Variants in PRTFDC1 observed in about 807,000 individuals in gnomAD.
PRTFDC1 encodes the protein phosphoribosyltransferase domain-containing protein 1.
A neutral mutation model predicts 34.6 loss-of-function variants in PRTFDC1; 38 were observed. The observed-to-expected ratio is 1.10, with a 90% CI of 0.85 to 1.44. The LOEUF is 1.44. Among genes scored for constraint, PRTFDC1 ranks in the 40% most tolerant of loss-of-function variants. The pLI, the probability that PRTFDC1 is intolerant of heterozygous loss-of-function variation, is 0.00. For synonymous variants in PRTFDC1, 93 were observed against 98.1 expected (o/e 0.95, Z 0.31); for missense variants, 270 against 283.0 (o/e 0.95, Z 0.33).
At chr10:24,948,975 G>A (rs1000596073) in intron 1 of PRTFDC1, among the ~76,000 whole-genome samples, 4 of 152,110 alleles carry the variant, frequency 2.6e-5, no homozygotes, top group African/African-American at 4.8e-5. Context: ...CTACTTATGC[G>A]ACCTGGGTGA....
chr10:24,922,525 T>C (rs1313145961), intron 3 of PRTFDC1, among the ~76,000 whole-genome samples: 3 of 152,206 alleles, frequency 2.0e-5, no homozygotes, highest in Non-Finnish European at 2.9e-5. Context: ...TGAGATCTGA[T>C]GGTTTTATAA....
At chr10:24,861,881 C>G (rs970695950) in intron 4 of PRTFDC1, among the ~76,000 whole-genome samples, 2 of 151,926 alleles carry the variant, frequency 1.3e-5, no homozygotes, top group Admixed American at 1.3e-4. Context: ...TCAAGTGATC[C>G]TCCCTCCTCA....
chr10:24,944,643 C>T (rs544531996), intron 1 of PRTFDC1, among the ~76,000 whole-genome samples: 1 of 152,238 alleles, frequency 6.6e-6, no homozygotes, highest in African/African-American at 2.4e-5. Context: ...ATTAGCCAGG[C>T]AAGGTGGTGT....
intron 4 of PRTFDC1, among the ~76,000 whole-genome samples, chr10:24,868,597 C>T (rs866535667): frequency 2.6e-5 from 4 of 152,076 alleles, no homozygotes; most frequent in Non-Finnish European, 4.4e-5. Context: ...GTGTGCACCA[C>T]CATTTTAAAT....
intron 3 of PRTFDC1, among the ~76,000 whole-genome samples, chr10:24,914,830 C>T (rs1251079754): frequency 6.6e-6 from 1 of 152,152 alleles, no homozygotes. Context: ...TAGCTTCTAC[C>T]TCAGGCCTAG....
At chr10:24,880,832 TTTC>T (rs1447970428) in intron 3 of PRTFDC1, among the ~76,000 whole-genome samples, 2 of 138,110 alleles carry the variant, frequency 1.4e-5, no homozygotes, top group African/African-American at 3.0e-5. Context: ...TCTTTCTTTC[TTTC>T]TTTCTTTCTT....
intron 8 of PRTFDC1, 23 bp from the exon 9 acceptor site, chr10:24,849,914 C>T (rs190529535): frequency 8.1e-6 from 13 of 1,612,560 alleles, no homozygotes; most frequent in Middle Eastern, 1.7e-4. Context: ...AGGATTTAAA[C>T]GCATCAGTTT....
At chr10:24,936,321 C>G (rs1408697711) in intron 3 of PRTFDC1, among the ~76,000 whole-genome samples, 4 of 151,428 alleles carry the variant, frequency 2.6e-5, no homozygotes, top group Non-Finnish European at 5.9e-5. Flanking sequence ...TCATTGTCAT[C>G]CAGGCTGGAG....
Position 24,856,987 on chromosome 10 carries a change from G to T in PRTFDC1, c.432C>A (p.Val144=). 7.4e-6 allele frequency: 12 copies of T among 1,612,814 alleles called. No individual in the cohort carries two copies. Among genetic ancestry groups the T allele is most frequent in the Non-Finnish European group, 1.0e-5 (12 of 1,178,866 alleles). ...GKNVLIVEDV[V]GTGRTMKALL... ...GTGCTTTCATGGTCCTCCCAGTTCC[G>T]ACAACATCCTTTGCAAAAAGGACAG... Residue 144 remains valine, a synonymous_variant, in exon 6 of 9, where the codon GTC becomes GTA. Transcript: ENST00000320152.
At chr10:24,859,346 G>A (rs1415868885) in intron 4 of PRTFDC1, among the ~76,000 whole-genome samples, 1 of 152,060 alleles carries the variant, frequency 6.6e-6, no homozygotes, top group East Asian at 1.9e-4. Flanking sequence ...TGTAACCTCC[G>A]CTTCCCGGGT....
At chr10:24,876,040 T>A (rs1847957697) in intron 3 of PRTFDC1, among the ~76,000 whole-genome samples, 1 of 152,126 alleles carries the variant, frequency 6.6e-6, no homozygotes, top group East Asian at 1.9e-4. Context: ...CTTTTTAGTA[T>A]GTTTTAATAC....
At chr10:24,949,033 A>G (rs901535982) in intron 1 of PRTFDC1, among the ~76,000 whole-genome samples, 1 of 152,060 alleles carries the variant, frequency 6.6e-6, no homozygotes, top group Non-Finnish European at 1.5e-5. Flanking sequence ...TAAAATGGGG[A>G]GCACACTAGA....
At chr10:24,941,291 A>C (rs1262462496) in intron 2 of PRTFDC1, among the ~76,000 whole-genome samples, 2 of 151,896 alleles carry the variant, frequency 1.3e-5, no homozygotes, top group African/African-American at 4.8e-5. Flanking sequence ...CCTGGCTCAA[A>C]CAGTCCTCTT....
intron 3 of PRTFDC1, among the ~76,000 whole-genome samples, chr10:24,931,107 A>G (rs1333107350): frequency 1.3e-5 from 2 of 152,180 alleles, no homozygotes; most frequent in Non-Finnish European, 2.9e-5. Flanking sequence ...TTATGTATGG[A>G]AAATCCCCCA....
chr10:24,902,045 T>C (rs2132554697), intron 3 of PRTFDC1, among the ~76,000 whole-genome samples: 1 of 152,206 alleles, frequency 6.6e-6, no homozygotes, highest in African/African-American at 2.4e-5. Flanking sequence ...TGTGTCCTGG[T>C]GACGATCCCT....
chr10:24,924,021 G>C (rs970697084), intron 3 of PRTFDC1, among the ~76,000 whole-genome samples: 1 of 152,144 alleles, frequency 6.6e-6, no homozygotes, highest in African/African-American at 2.4e-5. Flanking sequence ...AGCTTCAATA[G>C]CTGATTCGAT....
At chr10:24,863,328 A>G (rs1194260228) in intron 4 of PRTFDC1, among the ~76,000 whole-genome samples, 3 of 152,240 alleles carry the variant, frequency 2.0e-5, no homozygotes, top group African/African-American at 4.8e-5. Context: ...GCCTGTTTAT[A>G]TAGGCACATC....
chr10:24,928,514 A>T (rs537359040), intron 3 of PRTFDC1, among the ~76,000 whole-genome samples: 71 of 152,030 alleles, frequency 4.7e-4, no homozygotes, highest in African/African-American at 1.7e-3. Context: ...CACAATCTCA[A>T]CTCACTGCAA....
intron 3 of PRTFDC1, among the ~76,000 whole-genome samples, chr10:24,933,945 G>A (rs749807903): frequency 1.6e-4 from 25 of 151,994 alleles, no homozygotes; most frequent in Non-Finnish European, 2.8e-4. Context: ...TGCCCGACTC[G>A]GCCTGCCAAA....
Sources: allele counts gnomAD v4.1 joint callset (sites outside exome capture counted in the v4.1 genomes callset), GRCh38; gene constraint gnomAD v4.1.1; transcripts MANE v1.5; gene names NCBI Gene and HGNC (gene_info 2026-07-23, HGNC 2026-07-21).